SNX8: variants seen among roughly 807,000 people sequenced by gnomAD.
The protein encoded by SNX8 is sorting nexin-8.
A neutral mutation model predicts 51.6 loss-of-function variants in SNX8; 25 were observed. The observed-to-expected ratio is 0.48, with a 90% CI of 0.35 to 0.68. The LOEUF is 0.68. SNX8 is among the 30% of genes least tolerant of loss of function. The pLI, the probability that SNX8 is intolerant of heterozygous loss-of-function variation, is 0.00. For synonymous variants in SNX8, 324 were observed against 277.0 expected, an observed-to-expected ratio of 1.17 and a Z score of -1.68; for missense variants, 695 against 624.0, an observed-to-expected ratio of 1.11 and a Z score of -1.21.
chr7:2,257,787 T>A lies in SNX8; in HGVS notation c.932A>T (p.Asn311Ile). The A allele has an allele frequency of 1.2e-6, 2 of 1,614,012 alleles. No individual in the cohort carries two copies. Among genetic ancestry groups the A allele is most frequent in the Non-Finnish European group, 1.7e-6 (2 of 1,179,988 alleles). The change falls in exon 8 of 11, where the codon AAC (asparagine) becomes ATC (isoleucine). Residue 311 changes from asparagine to isoleucine, a missense_variant. By Grantham distance (149) the Asn-to-Ile change is moderately radical. Coordinates refer to ENST00000222990, the MANE Select transcript of SNX8 (RefSeq NM_013321.4). Reference protein sequence around the residue: ...KAAQQGKQEENDVVEKLNLFL... With the variant: ...KAAQQGKQEEIDVVEKLNLFL... ...GAGGTTCAGCTTCTCCACCACGTCG[T>A]TCTCTTCCTGCTTACCCTGGAAGGC... is the stretch of plus-strand genomic sequence containing the variant.
intron 1 of SNX8, among the ~76,000 whole-genome samples, chr7:2,283,681 A>T (rs2115149466): frequency 6.6e-6 from 1 of 152,336 alleles, no homozygotes; most frequent in East Asian, 1.9e-4. Context: ...TCCCAGGGCT[A>T]AATTCCCCAA....
chr7:2,348,534 G>A (rs1411334084), intron 1 of SNX8, among the ~76,000 whole-genome samples: 1 of 151,416 alleles, frequency 6.6e-6, no homozygotes, highest in East Asian at 2.0e-4. Context: ...GTAGAGATGG[G>A]GTTTCACCGT....
intron 1 of SNX8, among the ~76,000 whole-genome samples, chr7:2,330,898 C>G (rs976824367): frequency 6.6e-6 from 1 of 151,786 alleles, no homozygotes; most frequent in Admixed American, 6.6e-5. Context: ...CAGAAAATTC[C>G]TAGACACCGG....
intron 1 of SNX8, among the ~76,000 whole-genome samples, chr7:2,311,693 T>G (rs1485860445): frequency 6.6e-6 from 1 of 151,992 alleles, no homozygotes; most frequent in Admixed American, 6.6e-5. Flanking sequence ...ATCCCAGCAC[T>G]TTGGGAGGCC....
chr7:2,302,540 G>C (rs1281268643), intron 1 of SNX8, among the ~76,000 whole-genome samples: 1 of 152,190 alleles, frequency 6.6e-6, no homozygotes, highest in Non-Finnish European at 1.5e-5. Flanking sequence ...TGGGAAGTGA[G>C]GAGCGTCTCT....
intron 1 of SNX8, among the ~76,000 whole-genome samples, chr7:2,300,677 T>C (rs1796370513): frequency 6.6e-6 from 1 of 152,026 alleles, no homozygotes; most frequent in Admixed American, 6.6e-5. Context: ...AGTTTCATTC[T>C]TGTCACCCAG....
upstream of SNX8, among the ~76,000 whole-genome samples, chr7:2,317,144 G>A (rs1302106297): frequency 6.6e-6 from 1 of 151,182 alleles, no homozygotes; most frequent in African/African-American, 2.4e-5. Flanking sequence ...TGAGACATCA[G>A]CTGCAGATGC....
intron 5 of SNX8, among the ~76,000 whole-genome samples, chr7:2,267,074 G>A (rs1471828401): frequency 3.3e-5 from 5 of 152,162 alleles, no homozygotes; most frequent in Non-Finnish European, 7.4e-5. Flanking sequence ...TTAGAGGCTC[G>A]GGGCCTTGGC....
At chr7:2,348,635 C>G (rs1350506940) in intron 1 of SNX8, among the ~76,000 whole-genome samples, 1 of 151,606 alleles carries the variant, frequency 6.6e-6, no homozygotes, top group African/African-American at 2.4e-5. Context: ...GCCACCGTGC[C>G]CGGCCCAGTA....
chr7:2,337,783 T>C (rs1778856188), intron 1 of SNX8, among the ~76,000 whole-genome samples: 1 of 136,396 alleles, frequency 7.3e-6, no homozygotes, highest in Middle Eastern at 3.9e-3. Flanking sequence ...AAAACAAGTA[T>C]GCAAAAGACC....
rs1186097545 is a variant in SNX8 at position 2,320,758 on chromosome 7, C to T, written c.-66+33464G>A. 2.0e-5 allele frequency among the ~76,000 whole-genome samples: 3 copies of T among 151,750 alleles called. No individual in the cohort carries two copies. In the South Asian group the frequency reaches 6.3e-4, roughly 32 times the overall value. ...AAACAAGGCCAGGCGCGGTGGCTCA[C>T]GCCTGTAATCCCAGCAATTTGGGAG... On this transcript the variant is annotated intron_variant, in intron 1 of 5. Coordinates refer to the SNX8 transcript ENST00000435336.
intron 1 of SNX8, among the ~76,000 whole-genome samples, chr7:2,339,233 T>C (rs919639768): frequency 1.3e-5 from 2 of 151,020 alleles, no homozygotes; most frequent in Admixed American, 6.6e-5. Flanking sequence ...TGAGATGCAG[T>C]CTGGCCCTGT....
intron 5 of SNX8, among the ~76,000 whole-genome samples, chr7:2,267,023 G>A (rs1281033931): frequency 6.6e-6 from 1 of 152,210 alleles, no homozygotes; most frequent in African/African-American, 2.4e-5. Flanking sequence ...GGTGCCTGGA[G>A]GGCCTGAGGG....
At chr7:2,295,974 G>A (rs1262517807) in intron 1 of SNX8, among the ~76,000 whole-genome samples, 6 of 152,094 alleles carry the variant, frequency 3.9e-5, no homozygotes, top group African/African-American at 1.4e-4. Flanking sequence ...TGCTATTTTG[G>A]TTACTACAGC....
At chr7:2,347,904 A>ACG (rs10694124) in intron 1 of SNX8, among the ~76,000 whole-genome samples, 2 of 150,438 alleles carry the variant, frequency 1.3e-5, no homozygotes, top group Non-Finnish European at 3.0e-5. Flanking sequence ...TCGGCCTCCC[A>ACG]GTGTTGAGAT....
chr7:2,335,242 G>C (rs978948778), intron 1 of SNX8, among the ~76,000 whole-genome samples: 16 of 152,204 alleles, frequency 1.1e-4, no homozygotes, highest in African/African-American at 3.9e-4. Flanking sequence ...AAACAAGCCA[G>C]AGGTTCATGA....
chr7:2,284,937 C>G (rs181379806), intron 1 of SNX8, among the ~76,000 whole-genome samples: 1 of 151,904 alleles, frequency 6.6e-6, no homozygotes, highest in African/African-American at 2.4e-5. Context: ...CTTGGCTGGG[C>G]GGAGTGCCTC....
intron 1 of SNX8, among the ~76,000 whole-genome samples, chr7:2,306,453 T>G (rs1412763841): frequency 6.6e-6 from 1 of 152,216 alleles, no homozygotes; most frequent in Non-Finnish European, 1.5e-5. Context: ...CAAATCATTT[T>G]CTGGAAAACA....
intron 1 of SNX8, among the ~76,000 whole-genome samples, chr7:2,352,136 G>A (rs1457629459): frequency 1.3e-5 from 2 of 151,868 alleles, no homozygotes; most frequent in Non-Finnish European, 2.9e-5. Flanking sequence ...TCGAACTCCT[G>A]ACCTCATGTA....
Sources: allele counts gnomAD v4.1 joint callset (sites outside exome capture counted in the v4.1 genomes callset), GRCh38; gene constraint gnomAD v4.1.1; transcripts MANE v1.5; gene names NCBI Gene and HGNC (gene_info 2026-07-23, HGNC 2026-07-21).